ASAP1: variants seen among roughly 807,000 people sequenced by gnomAD.
ASAP1 encodes the protein ArfGAP with SH3 domain, ankyrin repeat and PH domain 1, also known as arf-GAP with SH3 domain, ANK repeat and PH domain-containing protein 1.
A neutral mutation model predicts 145.2 loss-of-function variants in ASAP1; 43 were observed. That is an observed-to-expected ratio of 0.30 (90% CI 0.23 to 0.38). ASAP1 has a LOEUF of 0.38. Among genes scored for constraint, ASAP1 ranks in the 10% least tolerant of loss-of-function variants. ASAP1 has a pLI of 1.00. For synonymous variants in ASAP1, 546 were observed against 515.5 expected (o/e 1.06, Z -0.80); for missense variants, 1,018 against 1,355.3 (o/e 0.75, Z 3.91).
Position 130,169,080 on chromosome 8 carries a change from A to C in ASAP1, c.747-13T>G. On this transcript the variant is annotated splice_polypyrimidine_tract_variant and intron_variant, in intron 9 of 29. Transcript: ENST00000518721. ...ATCTTGAAAGAAACTACAATTAAAA[A>C]AATCAGAGATTTACCACCAGTATAA... 1 of 1,512,094 alleles carries C rather than the reference A, an allele frequency of 6.6e-7. No individual in the cohort carries two copies. Among genetic ancestry groups the C allele is most frequent in the Non-Finnish European group, 9.0e-7 (1 of 1,114,828 alleles). The allele number at this position is 1,512,094 out of a possible 1,614,324, so 93.7% of individuals were successfully genotyped here.
At chr8:130,412,542 C>T (rs532584808) in intron 1 of ASAP1, among the ~76,000 whole-genome samples, 2 of 152,030 alleles carry the variant, frequency 1.3e-5, no homozygotes, top group Non-Finnish European at 2.9e-5. Flanking sequence ...GAGCCATGAG[C>T]CAATTAAACC....
At chr8:130,072,424 T>C (rs942242440) in intron 27 of ASAP1, among the ~76,000 whole-genome samples, 1 of 152,184 alleles carries the variant, frequency 6.6e-6, no homozygotes, top group East Asian at 1.9e-4. Context: ...TGCTTGGCTC[T>C]CATTTTTCTC....
chr8:130,184,199 T>C (rs904283172), intron 7 of ASAP1, among the ~76,000 whole-genome samples: 1 of 152,196 alleles, frequency 6.6e-6, no homozygotes, highest in Non-Finnish European at 1.5e-5. Flanking sequence ...CCTATAAAAA[T>C]GTAAACACTG....
intron 4 of ASAP1, among the ~76,000 whole-genome samples, chr8:130,227,688 A>G (rs1474427296): frequency 6.6e-6 from 1 of 150,426 alleles, no homozygotes; most frequent in African/African-American, 2.4e-5. Flanking sequence ...AACACAGTAT[A>G]TAGTATAGAT....
chr8:130,336,764 T>A (rs1467902500), intron 3 of ASAP1, among the ~76,000 whole-genome samples: 3 of 152,196 alleles, frequency 2.0e-5, no homozygotes, highest in Admixed American at 6.5e-5. Context: ...AAAGTACCTA[T>A]TTGCATTGTC....
At chr8:130,169,255 T>C (rs1813414322) in intron 9 of ASAP1, among the ~76,000 whole-genome samples, 188 bp from the exon 10 acceptor site, 1 of 152,250 alleles carries the variant, frequency 6.6e-6, no homozygotes, top group African/African-American at 2.4e-5. Flanking sequence ...TACGGCATTT[T>C]ATAAAGATGT....
intron 3 of ASAP1, among the ~76,000 whole-genome samples, chr8:130,347,948 C>A (rs1825791772): frequency 1.3e-5 from 2 of 152,174 alleles, no homozygotes; most frequent in Admixed American, 6.5e-5. Context: ...GGGGAAGGGA[C>A]CTCTTACAAT....
intron 7 of ASAP1, among the ~76,000 whole-genome samples, chr8:130,184,880 A>G (rs1814613338): frequency 6.6e-6 from 1 of 152,174 alleles, no homozygotes; most frequent in African/African-American, 2.4e-5. Context: ...GAAGTAGGTA[A>G]TTTTTATATT....
At chr8:130,210,267 A>T (rs1004041517) in intron 5 of ASAP1, among the ~76,000 whole-genome samples, 1 of 151,354 alleles carries the variant, frequency 6.6e-6, no homozygotes, top group African/African-American at 2.4e-5. Context: ...AATGTTAAAC[A>T]ATGCCACCCT....
At chr8:130,229,555 T>C (rs1817784578) in intron 4 of ASAP1, among the ~76,000 whole-genome samples, 1 of 152,178 alleles carries the variant, frequency 6.6e-6, no homozygotes, top group East Asian at 1.9e-4. Flanking sequence ...TTAATCTGAA[T>C]CTTTATGTAA....
intron 3 of ASAP1, among the ~76,000 whole-genome samples, chr8:130,311,123 G>A (rs1050242946): frequency 7.2e-5 from 11 of 152,202 alleles, no homozygotes. Flanking sequence ...CAAATTGCAG[G>A]CCTGGAAAAT....
chr8:130,215,780 C>A (rs1816866170), intron 4 of ASAP1, among the ~76,000 whole-genome samples: 1 of 151,886 alleles, frequency 6.6e-6, no homozygotes, highest in Non-Finnish European at 1.5e-5. Context: ...AAACAATTAG[C>A]TGGGTATTGT....
chr8:130,358,510 T>TG lies in ASAP1; in HGVS notation c.60-368dup, dbSNP rs1184664277. 1.4e-5 allele frequency among the ~76,000 whole-genome samples: 2 copies of TG among 146,918 alleles called. No homozygotes were observed. Among genetic ancestry groups the TG allele is most frequent in the Non-Finnish European group, 3.0e-5 (2 of 66,098 alleles). On this transcript the variant is annotated intron_variant, in intron 2 of 29. Coordinates refer to ENST00000518721, the MANE Select transcript of ASAP1 (RefSeq NM_018482.4). This position sits in a 1 kb window ranked among gnomAD's most constrained non-coding sequence, Gnocchi z 4.1. Reference sequence around the variant, plus strand: ...GGGGGTCTGGGCTCCGGCCGGCCGCTGGGGCGTGCGCGGGCTGGGCGGCTG... The same window carrying TG: ...GGGGGTCTGGGCTCCGGCCGGCCGCTGGGGGCGTGCGCGGGCTGGGCGGCTG...
intron 3 of ASAP1, among the ~76,000 whole-genome samples, chr8:130,349,155 C>T (rs568817411): frequency 6.6e-6 from 1 of 152,340 alleles, no homozygotes; most frequent in South Asian, 2.1e-4. Flanking sequence ...TATACAGTTA[C>T]ACTGAGTTGA....
intron 1 of ASAP1, among the ~76,000 whole-genome samples, chr8:130,414,187 G>C (rs2138660059): frequency 6.6e-6 from 1 of 152,332 alleles, no homozygotes. Context: ...TAGGTTCAAA[G>C]GCACAGTCTT....
At chr8:130,069,352 C>T (rs996560426) in intron 27 of ASAP1, among the ~76,000 whole-genome samples, 12 of 152,186 alleles carry the variant, frequency 7.9e-5, no homozygotes, top group Non-Finnish European at 1.0e-4. Context: ...CCTCCCACTT[C>T]GGCCTCCTGA....
intron 2 of ASAP1, among the ~76,000 whole-genome samples, chr8:130,373,149 C>G (rs1490152725): frequency 6.9e-6 from 1 of 144,420 alleles, no homozygotes; most frequent in Non-Finnish European, 1.5e-5. Flanking sequence ...CACACACACA[C>G]AGAGTCTCAT....
chr8:130,069,306 G>A (rs141171188), intron 27 of ASAP1, among the ~76,000 whole-genome samples: 6 of 152,284 alleles, frequency 3.9e-5, no homozygotes, highest in Non-Finnish European at 8.8e-5. Flanking sequence ...CGTGATCTTA[G>A]CTCATTGCAA....
At chr8:130,266,981 T>C (rs972481950) in intron 3 of ASAP1, among the ~76,000 whole-genome samples, 1 of 151,254 alleles carries the variant, frequency 6.6e-6, no homozygotes, top group Non-Finnish European at 1.5e-5. Context: ...ACATAGAAGA[T>C]AGAATGAGAA....
Sources: gnomAD v4.1 joint callset for allele counts (sites outside exome capture counted in the v4.1 genomes callset) on GRCh38, gnomAD v4.1.1 for gene constraint, Gnocchi (gnomAD v3.1) non-coding constraint, MANE v1.5 for transcripts, NCBI Gene and HGNC (gene_info 2026-07-23, HGNC 2026-07-21) for gene names.